Variants in PHF24 observed in about 807,000 individuals in gnomAD.
The protein encoded by PHF24 is PHD finger protein 24, also known as Galpha inhibitory interacting protein.
A neutral mutation model predicts 42.6 loss-of-function variants in PHF24; 25 were observed. The observed-to-expected ratio is 0.59, with a 90% CI of 0.43 to 0.82. The LOEUF is 0.82. Ranked by LOEUF, PHF24 falls within the 40% of genes least tolerant of loss-of-function variation. PHF24 has a pLI of 0.00. For synonymous variants in PHF24, 185 were observed against 204.8 expected (o/e 0.90, Z 0.83); for missense variants, 470 against 538.1 (o/e 0.87, Z 1.25).
chr9:34,928,478 T>C, the PHF24 span, among the ~76,000 whole-genome samples: 15 of 152,168 alleles, frequency 9.9e-5, no homozygotes, highest in African/African-American at 3.6e-4. Flanking sequence ...AACCCACTAA[T>C]GAGTCAACAA....
the PHF24 span, among the ~76,000 whole-genome samples, chr9:34,738,086 C>G: frequency 6.6e-6 from 1 of 152,044 alleles, no homozygotes; most frequent in Non-Finnish European, 1.5e-5. Context: ...TTGTTACAGC[C>G]TCAGCTATTT....
chr9:34,922,124 G>T, the PHF24 span: 1 of 1,383,818 alleles, frequency 7.2e-7, no homozygotes. Context: ...GGACAGCATG[G>T]ATGACAAATG....
the PHF24 span, among the ~76,000 whole-genome samples, chr9:34,840,322 C>G: frequency 6.6e-6 from 1 of 151,352 alleles, no homozygotes; most frequent in African/African-American, 2.4e-5. Flanking sequence ...CCAGACTAGT[C>G]TAGCATAAAT....
the PHF24 span, among the ~76,000 whole-genome samples, chr9:34,847,119 T>G: frequency 6.6e-6 from 1 of 152,204 alleles, no homozygotes; most frequent in Non-Finnish European, 1.5e-5. Context: ...TAAAGTAGTT[T>G]TTTCCAGTTC....
the PHF24 span, among the ~76,000 whole-genome samples, chr9:34,821,283 C>A: frequency 6.6e-5 from 10 of 151,966 alleles, no homozygotes; most frequent in African/African-American, 2.2e-4. Context: ...TTATTTATTT[C>A]TTTCTCCTTT....
chr9:34,685,685 C>T, the PHF24 span, among the ~76,000 whole-genome samples: 2 of 152,216 alleles, frequency 1.3e-5, no homozygotes, highest in East Asian at 1.9e-4. Flanking sequence ...ATTCCTTATA[C>T]ATAGAATGGT....
chr9:34,820,223 T>C, the PHF24 span, among the ~76,000 whole-genome samples: 553 of 151,420 alleles, frequency 3.7e-3, 6 homozygotes, highest in Non-Finnish European at 5.9e-3. Context: ...AAAATGGGTT[T>C]CTTTTTTTAA....
At chr9:34,741,641 C>G in the PHF24 span, among the ~76,000 whole-genome samples, 1 of 152,218 alleles carries the variant, frequency 6.6e-6, no homozygotes, top group South Asian at 2.1e-4. Flanking sequence ...GGATTATAGG[C>G]ATGAGCCACC....
At chr9:34,859,056 T>A in the PHF24 span, among the ~76,000 whole-genome samples, 1 of 152,226 alleles carries the variant, frequency 6.6e-6, no homozygotes, top group African/African-American at 2.4e-5. Flanking sequence ...TGAGCACACA[T>A]CTTGCCTGGG....
At chr9:34,972,034 T>C (rs1827009726) in intron 2 of PHF24, among the ~76,000 whole-genome samples, 1 of 152,050 alleles carries the variant, frequency 6.6e-6, no homozygotes, top group South Asian at 2.1e-4. Context: ...CTACTGGTGT[T>C]TGGTACCAAG....
the PHF24 span, among the ~76,000 whole-genome samples, chr9:34,767,307 G>T: frequency 2.6e-5 from 4 of 152,236 alleles, no homozygotes; most frequent in African/African-American, 9.6e-5. Context: ...TCCCCCAGAG[G>T]TGGAGCCCAC....
the PHF24 span, among the ~76,000 whole-genome samples, chr9:34,948,172 A>G: frequency 6.6e-6 from 1 of 152,162 alleles, no homozygotes; most frequent in African/African-American, 2.4e-5. Context: ...TAAGGAAAGA[A>G]AACATTTTTG....
chr9:34,833,726 G>A, the PHF24 span: 1 of 1,538,474 alleles, frequency 6.5e-7, no homozygotes. Context: ...TACTGGCACT[G>A]CAGGCTGGAA....
the PHF24 span, among the ~76,000 whole-genome samples, chr9:34,936,203 C>T: frequency 0.028 from 4,237 of 152,266 alleles, 86 homozygotes; most frequent in African/African-American, 0.051. Flanking sequence ...CGAGTGCCTG[C>T]CATTGCAGGC....
At chr9:34,880,619 C>G in the PHF24 span, among the ~76,000 whole-genome samples, 1 of 152,174 alleles carries the variant, frequency 6.6e-6, no homozygotes, top group South Asian at 2.1e-4. Flanking sequence ...AAGGCCATTA[C>G]ATAATGGTAA....
the PHF24 span, among the ~76,000 whole-genome samples, chr9:34,747,589 A>G: frequency 6.6e-6 from 1 of 152,228 alleles, no homozygotes; most frequent in African/African-American, 2.4e-5. Flanking sequence ...AAATAAAGCC[A>G]CAATGAGTTA....
At chr9:34,728,815 C>T in the PHF24 span, among the ~76,000 whole-genome samples, 1 of 152,100 alleles carries the variant, frequency 6.6e-6, no homozygotes, top group Non-Finnish European at 1.5e-5. Flanking sequence ...ACCTTTTTAC[C>T]CCATTTTCCT....
At chr9:34,694,514 G>A in the PHF24 span, among the ~76,000 whole-genome samples, 2 of 152,112 alleles carry the variant, frequency 1.3e-5, no homozygotes. Flanking sequence ...TGTATTTTTA[G>A]TAGAGATGGG....
the PHF24 span, among the ~76,000 whole-genome samples, chr9:34,680,382 A>C: frequency 6.7e-6 from 1 of 148,588 alleles, no homozygotes; most frequent in African/African-American, 2.5e-5. Flanking sequence ...CTCAAAAAAT[A>C]AAAAAATAAA....
Sources: allele counts gnomAD v4.1 joint callset (sites outside exome capture counted in the v4.1 genomes callset), GRCh38; gene constraint gnomAD v4.1.1; transcripts MANE v1.5; gene names NCBI Gene and HGNC (gene_info 2026-07-23, HGNC 2026-07-21).